The following MADD variants were observed in gnomAD, a reference collection of about 807,000 sequenced individuals.
MADD encodes MAP kinase activating death domain.
Under a neutral mutation model 176.7 loss-of-function variants are expected in MADD, and 109 were observed. The observed-to-expected ratio is 0.62, with a 90% CI of 0.53 to 0.72. The LOEUF (loss-of-function observed/expected upper bound fraction) is 0.72, where lower values mean the gene tolerates loss of function less well. Ranked by LOEUF, MADD falls within the 30% of genes least tolerant of loss-of-function variation. MADD has a pLI of 0.00. For missense variants in MADD, 1,914 were observed against 2,045.5 expected (o/e 0.94, Z 1.24); for synonymous variants, 771 against 771.3 (o/e 1.00, Z 0.01).
chr11:47,285,145 C>T lies in MADD; in HGVS notation c.2362C>T (p.Gln788Ter), dbSNP rs767257123. ...TCCCCCTGAGGAAGATGAGGATGAG[C>T]AGGGGGAAAGTTACACTCCCCGATT... is the stretch of plus-strand genomic sequence containing the variant. Residue 788 changes from glutamine to a stop codon, truncating the protein, a stop_gained, in exon 13 of 33, where the codon CAG (glutamine) becomes TAG (stop). Coordinates refer to ENST00000402192, the Ensembl canonical transcript of MADD. LOFTEE classifies it high-confidence loss of function. 6 of 1,614,006 alleles carry T rather than the reference C, an allele frequency of 3.7e-6. No homozygotes were observed. The highest frequency in any genetic ancestry group is 5.1e-6 in the Non-Finnish European group (6 of 1,180,018).
intron 10 of MADD, among the ~76,000 whole-genome samples, chr11:47,283,955 G>A (rs561898015): frequency 1.2e-3 from 184 of 152,328 alleles, no homozygotes; most frequent in Non-Finnish European, 2.1e-3. Flanking sequence ...TGATCCACCC[G>A]CCTTAGCGTC....
At chr11:47,324,167 C>G (rs1190991160) in intron 28 of MADD, 98 bp from the exon 32 acceptor site, 1 of 1,093,418 alleles carries the variant, frequency 9.1e-7, no homozygotes, top group Non-Finnish European at 1.4e-6. Context: ...AATTTTACCC[C>G]TCACTTCAAC....
At chr11:47,282,998 T>C in intron 10 of MADD, 29 bp downstream of exon 10, 2 of 1,603,802 alleles carry the variant, frequency 1.2e-6, no homozygotes, top group Non-Finnish European at 8.5e-7. Flanking sequence ...GCAAAAAGGT[T>C]TTAAAGGTGA....
intron 27 of MADD, among the ~76,000 whole-genome samples, chr11:47,322,010 G>T (rs1251751898): frequency 6.6e-6 from 1 of 152,098 alleles, no homozygotes; most frequent in Non-Finnish European, 1.5e-5. Flanking sequence ...CATCAACATG[G>T]TAATAATCAT....
At chr11:47,274,062 C>A in intron 2 of MADD, 86 bp downstream of exon 2, 1 of 1,224,432 alleles carries the variant, frequency 8.2e-7, no homozygotes, top group Non-Finnish European at 1.2e-6. Flanking sequence ...TTCCATGTTG[C>A]TTTGCATAGC....
chr11:47,286,493 A>C (rs769662085), exon 15 of MADD: 1 of 1,613,990 alleles, frequency 6.2e-7, no homozygotes, highest in African/African-American at 1.3e-5. Flanking sequence ...CTGCCCACCA[A>C]AGGTGCCCGA....
intron 31 of MADD, 64 bp downstream of exon 35, chr11:47,326,871 C>T: frequency 6.2e-7 from 1 of 1,606,904 alleles, no homozygotes; most frequent in Non-Finnish European, 8.5e-7. Context: ...CTCGGAGCTC[C>T]AGAGGAGGGT....
chr11:47,286,024 T>G (rs1186005698), intron 14 of MADD, among the ~76,000 whole-genome samples: 1 of 152,120 alleles, frequency 6.6e-6, no homozygotes, highest in Non-Finnish European at 1.5e-5. Context: ...CAGTGCAGGG[T>G]CGTATCAGCT....
chr11:47,311,071 GT>G (rs1216653907), intron 25 of MADD, among the ~76,000 whole-genome samples: 1 of 152,188 alleles, frequency 6.6e-6, no homozygotes, highest in Admixed American at 6.5e-5. Context: ...GAAGAAGTAT[GT>G]TACCAAGTAG....
At chr11:47,322,393 G>T (rs1315483403) in intron 27 of MADD, among the ~76,000 whole-genome samples, 1 of 151,962 alleles carries the variant, frequency 6.6e-6, no homozygotes, top group East Asian at 1.9e-4. Flanking sequence ...GGATCATGAA[G>T]TCAGGAGATC....
At chr11:47,327,151 T>C (rs3781622) in intron 31 of MADD, 361,289 of 1,052,140 alleles carry the variant, frequency 0.34, 64,732 homozygotes, top group East Asian at 0.7. Context: ...AGCTCCACTA[T>C]GTCCATGTCA....
intron 5 of MADD, among the ~76,000 whole-genome samples, chr11:47,277,954 A>G (rs1218376613): frequency 6.6e-6 from 1 of 152,260 alleles, no homozygotes; most frequent in East Asian, 1.9e-4. Flanking sequence ...AGAAAGTGAA[A>G]CTGTGGATAA....
intron 7 of MADD, among the ~76,000 whole-genome samples, chr11:47,279,477 T>C (rs1031795265): frequency 6.6e-6 from 1 of 150,844 alleles, no homozygotes; most frequent in East Asian, 2.0e-4. Context: ...CTCTGCCTTC[T>C]GAGTTCACGC....
chr11:47,296,941 A>AT (rs2072905969), intron 22 of MADD, among the ~76,000 whole-genome samples: 1 of 151,838 alleles, frequency 6.6e-6, no homozygotes, highest in African/African-American at 2.4e-5. Context: ...TGCCTGGCTA[A>AT]TTTTTTAGTT....
chr11:47,309,621 A>C lies in MADD; in HGVS notation c.3978+9A>C. The C allele has an allele frequency of 1.2e-6, 2 of 1,605,942 alleles. No individual in the cohort carries two copies. Among genetic ancestry groups the C allele is most frequent in the Non-Finnish European group, 1.7e-6 (2 of 1,172,526 alleles). On this transcript the variant is annotated intron_variant, in intron 25 of 32. Coordinates refer to ENST00000402192, the Ensembl canonical transcript of MADD. ...ACATGCTGCTGATGAAGGTAATGTCAATTTTGCTGTGTCCAGCTCCGCTGA... is the reference window on the plus strand; with the variant it reads ...ACATGCTGCTGATGAAGGTAATGTCCATTTTGCTGTGTCCAGCTCCGCTGA...
chr11:47,294,822 CTG>C (rs1051508758), intron 20 of MADD, among the ~76,000 whole-genome samples: 1 of 151,800 alleles, frequency 6.6e-6, no homozygotes, highest in Non-Finnish European at 1.5e-5. Context: ...ACATGGGAAA[CTG>C]TTTAACAAAG....
chr11:47,324,026 C>A, intron 28 of MADD, 191 bp downstream of exon 31: 1 of 667,380 alleles, frequency 1.5e-6, no homozygotes, highest in East Asian at 2.7e-5. Flanking sequence ...CGGTATTAAC[C>A]AACCATATCT....
chr11:47,326,898 G>C, intron 31 of MADD, 91 bp downstream of exon 35: 1 of 1,571,260 alleles, frequency 6.4e-7, no homozygotes, highest in South Asian at 1.2e-5. Flanking sequence ...GCAGGGAGAA[G>C]AAGAACCTCT....
At chr11:47,274,622 A>G in exon 3 of MADD, 1 of 1,614,186 alleles carries the variant, frequency 6.2e-7, no homozygotes, top group Non-Finnish European at 8.5e-7. Context: ...TACCCCTTGG[A>G]GGATCACACT....
Sources: allele counts gnomAD v4.1 joint callset (sites outside exome capture counted in the v4.1 genomes callset), GRCh38; gene constraint gnomAD v4.1.1; transcripts MANE v1.5; gene names NCBI Gene and HGNC (gene_info 2026-07-23, HGNC 2026-07-21).